The following ARHGAP32 variants were observed in gnomAD, a reference collection of about 807,000 sequenced individuals.
ARHGAP32 encodes Rho GTPase activating protein 32.
ARHGAP32 carries 51 observed loss-of-function variants against 186.5 expected under a neutral mutation model. The ratio of observed to expected loss-of-function variants is 0.27; its 90% CI spans 0.22 to 0.35. The LOEUF (loss-of-function observed/expected upper bound fraction) is 0.35, where lower values mean the gene tolerates loss of function less well. ARHGAP32 is among the 10% of genes least tolerant of loss of function. The pLI is 1.00. For missense variants in ARHGAP32, 2,186 were observed against 2,623.5 expected, an observed-to-expected ratio of 0.83 and a Z score of 3.64; for synonymous variants, 950 against 964.3, an observed-to-expected ratio of 0.99 and a Z score of 0.27.
chr11:128,974,493 C>G lies in ARHGAP32; in HGVS notation c.2704G>C (p.Val902Leu). 2 of 1,614,140 alleles carry G rather than the reference C, an allele frequency of 1.2e-6. No individual in the cohort carries two copies. Among genetic ancestry groups the G allele is most frequent in the Non-Finnish European group, 1.7e-6 (2 of 1,180,028 alleles). ...CCTATCTTCGGAGAGAAAGCATAGA[C>G]GACCTTTTCAGTAAAGGAGGATGGC... ...SKPSSFTEKVVYAFSPKIGRK... is the reference protein window; with the variant it reads ...SKPSSFTEKVLYAFSPKIGRK... The change falls in exon 21 of 23, where the codon GTC becomes CTC. Residue 902 changes from valine (V) to leucine (L), a missense_variant. Transcript: ENST00000682385.
At chr11:129,021,419 G>A (rs1938588129) in intron 11 of ARHGAP32, among the ~76,000 whole-genome samples, 1 of 151,950 alleles carries the variant, frequency 6.6e-6, no homozygotes, top group Non-Finnish European at 1.5e-5. Context: ...TCTTCTCCAG[G>A]GTTAAAGATG....
At chr11:129,007,077 T>C (rs1169444322) in intron 11 of ARHGAP32, among the ~76,000 whole-genome samples, 1 of 152,080 alleles carries the variant, frequency 6.6e-6, no homozygotes, top group East Asian at 1.9e-4. Context: ...AAGGCTCTTG[T>C]CAGCTTGTGG....
At chr11:129,119,636 G>A (rs1942469365) in intron 5 of ARHGAP32, among the ~76,000 whole-genome samples, 1 of 152,006 alleles carries the variant, frequency 6.6e-6, no homozygotes, top group African/African-American at 2.4e-5. Context: ...GCCGAATGGT[G>A]TTAAGTGGTA....
At chr11:129,142,305 C>T (rs1250986524) in intron 2 of ARHGAP32, among the ~76,000 whole-genome samples, 1 of 152,066 alleles carries the variant, frequency 6.6e-6, no homozygotes, top group Non-Finnish European at 1.5e-5. Flanking sequence ...TTGCCAGGAT[C>T]GGCCTCCTAC....
At chr11:129,148,835 T>A (rs1325117852) in intron 2 of ARHGAP32, among the ~76,000 whole-genome samples, 1 of 152,018 alleles carries the variant, frequency 6.6e-6, no homozygotes, top group Non-Finnish European at 1.5e-5. Flanking sequence ...ATCACCCATT[T>A]CCCTGAGAAA....
intron 15 of ARHGAP32, among the ~76,000 whole-genome samples, chr11:128,984,607 A>G (rs1945808031): frequency 6.6e-6 from 1 of 152,208 alleles, no homozygotes; most frequent in Non-Finnish European, 1.5e-5. Context: ...GTTATAGTGA[A>G]GAAAAGAGTT....
chr11:129,112,144 G>GA (rs1009050739), intron 5 of ARHGAP32, among the ~76,000 whole-genome samples: 6 of 152,170 alleles, frequency 3.9e-5, no homozygotes, highest in African/African-American at 1.4e-4. Flanking sequence ...TCGGGAGGCT[G>GA]AGACAGGAGA....
At position 128,972,581 on chromosome 11, in the gene ARHGAP32, T is replaced by C. The variant is rs772301476; in HGVS notation, c.3925A>G (p.Thr1309Ala). 16 of 1,602,252 alleles carry C rather than the reference T, an allele frequency of 1.0e-5. No homozygotes were observed. The highest frequency in any genetic ancestry group is 1.7e-6 in the Non-Finnish European group (2 of 1,173,064). The part of the protein sequence containing the change: ...QPTTADFAAA[T>A]LQRTHRTNRP... ...TTAGTTCTGTGCGTGCGCTGAAGTG[T>C]GGCAGCAGCAAAATCAGCAGTGGTG... Residue 1309 changes from threonine to alanine, a missense_variant, in exon 22 of 23, where the codon ACA becomes GCA. Thr to Ala is a moderately conservative substitution (Grantham distance 58). This residue lies in a region of ARHGAP32 where 1,502 missense variants were observed against 1,570.0 expected (regional missense o/e 0.96). Coordinates refer to ENST00000682385, the MANE Select transcript of ARHGAP32 (RefSeq NM_001378024.1).
chr11:129,126,497 A>T (rs576905856), intron 2 of ARHGAP32, among the ~76,000 whole-genome samples: 3 of 152,216 alleles, frequency 2.0e-5, no homozygotes, highest in Admixed American at 6.5e-5. Flanking sequence ...TTTCACTTTC[A>T]TTTAATATAT....
intron 17 of ARHGAP32, 22 bp downstream of exon 17, chr11:128,981,394 G>A (rs1197914647): frequency 6.4e-7 from 1 of 1,561,008 alleles, no homozygotes; most frequent in Admixed American, 1.9e-5. Context: ...CCTCCTGGTA[G>A]GAAGGGCCAT....
chr11:129,077,823 C>T (rs1941094317), intron 6 of ARHGAP32, among the ~76,000 whole-genome samples: 1 of 152,114 alleles, frequency 6.6e-6, no homozygotes, highest in Admixed American at 6.5e-5. Context: ...TCTATACTAC[C>T]ACAGCTGATG....
At chr11:129,012,245 T>C (rs1429691491) in intron 11 of ARHGAP32, among the ~76,000 whole-genome samples, 20 of 152,226 alleles carry the variant, frequency 1.3e-4, no homozygotes, top group Non-Finnish European at 2.1e-4. Context: ...TTTATACATA[T>C]TGTGGGACAA....
At chr11:129,032,482 C>G (rs971389383) in intron 11 of ARHGAP32, among the ~76,000 whole-genome samples, 1 of 152,166 alleles carries the variant, frequency 6.6e-6, no homozygotes, top group African/African-American at 2.4e-5. Flanking sequence ...TTTGCAGTTA[C>G]GTACATAGCC....
chr11:129,215,761 C>G (rs1021420578), intron 1 of ARHGAP32, among the ~76,000 whole-genome samples: 28 of 152,308 alleles, frequency 1.8e-4, no homozygotes, highest in Non-Finnish European at 3.7e-4. Context: ...TTAATCACAT[C>G]TGCAAAGTCC....
At chr11:129,064,226 A>G (rs1940611563) in intron 8 of ARHGAP32, among the ~76,000 whole-genome samples, 1 of 138,422 alleles carries the variant, frequency 7.2e-6, no homozygotes, top group Non-Finnish European at 1.6e-5. Flanking sequence ...TTTAATCCTC[A>G]TAACTCCAAA....
chr11:129,191,741 A>T (rs1433829399), intron 1 of ARHGAP32, among the ~76,000 whole-genome samples: 1 of 151,990 alleles, frequency 6.6e-6, no homozygotes, highest in Non-Finnish European at 1.5e-5. Context: ...ATTAGATACA[A>T]ATTCAGATCA....
At chr11:129,270,563 C>T (rs1162039381) in intron 1 of ARHGAP32, among the ~76,000 whole-genome samples, 1 of 150,150 alleles carries the variant, frequency 6.7e-6, no homozygotes, top group African/African-American at 2.5e-5. Flanking sequence ...CTATGGACTT[C>T]GGGTGATAAT....
intron 6 of ARHGAP32, among the ~76,000 whole-genome samples, chr11:129,092,925 GA>G (rs1941618782): frequency 1.3e-5 from 2 of 151,948 alleles, no homozygotes; most frequent in African/African-American, 2.4e-5. Flanking sequence ...AAAGAATGTA[GA>G]ATAAGTGAAT....
chr11:129,268,017 C>A (rs1438614138), intron 1 of ARHGAP32, among the ~76,000 whole-genome samples: 2 of 152,136 alleles, frequency 1.3e-5, no homozygotes, highest in South Asian at 2.1e-4. Flanking sequence ...ACCCAAAAAC[C>A]TCCTATTAGG....
Sources: allele counts gnomAD v4.1 joint callset (sites outside exome capture counted in the v4.1 genomes callset), GRCh38; gene constraint gnomAD v4.1.1; regional missense constraint gnomAD v4.1.1; transcripts MANE v1.5; gene names NCBI Gene and HGNC (gene_info 2026-07-23, HGNC 2026-07-21).